PTCHD4: variants seen among roughly 807,000 people sequenced by gnomAD.
PTCHD4 encodes the protein patched domain-containing protein 4.
In PTCHD4, 33 loss-of-function variants were observed where a neutral mutation model predicts 58.1. The ratio of observed to expected loss-of-function variants is 0.57; its 90% CI spans 0.43 to 0.76. The LOEUF is 0.76. Ranked by LOEUF, PTCHD4 falls within the 30% of genes least tolerant of loss-of-function variation. The pLI, the probability that PTCHD4 is intolerant of heterozygous loss-of-function variation, is 0.00. For missense variants in PTCHD4, 1,058 were observed against 1,027.1 expected, an observed-to-expected ratio of 1.03 and a Z score of -0.41; for synonymous variants, 478 against 409.6, an observed-to-expected ratio of 1.17 and a Z score of -2.02.
intron 3 of PTCHD4, among the ~76,000 whole-genome samples, chr6:48,014,225 C>G (rs1015951249): frequency 2.0e-5 from 3 of 151,946 alleles, no homozygotes; most frequent in Non-Finnish European, 4.4e-5. Flanking sequence ...GCAGTTGGCC[C>G]AAAAATCCAA....
intron 1 of PTCHD4, among the ~76,000 whole-genome samples, chr6:48,106,861 A>AG: frequency 2.6e-5 from 4 of 152,236 alleles, no homozygotes; most frequent in Admixed American, 2.6e-4. Flanking sequence ...ATTGCTTCAA[A>AG]AGAATAAAAT....
chr6:48,068,462 TGGAA>T lies in PTCHD4; in HGVS notation c.181_184del (p.Phe61SerfsTer50). On this transcript the variant is annotated frameshift_variant, in exon 3 of 5. Coordinates refer to ENST00000339488, the MANE Select transcript of PTCHD4 (RefSeq NM_001384253.1). LOFTEE classifies it high-confidence loss of function. This position sits in a 1 kb window ranked among gnomAD's most constrained non-coding sequence, Gnocchi z 4.2. The stretch of plus-strand genomic sequence containing the variant: ...CAGGCGCTCCAGGTCGCCCTCGGGC[TGGAA>T]GCGGTTGAGCGCGCTGAGGCCGAAG... 6.2e-7 allele frequency: 1 copy of T among 1,613,694 alleles called. No individual in the cohort carries two copies. Among genetic ancestry groups the T allele is most frequent in the Non-Finnish European group, 8.5e-7 (1 of 1,179,824 alleles).
intron 3 of PTCHD4, among the ~76,000 whole-genome samples, chr6:48,025,205 A>G (rs140714192): frequency 1.3e-5 from 2 of 152,298 alleles, no homozygotes; most frequent in African/African-American, 4.8e-5. Context: ...AGATAAACTC[A>G]ATGTATTTCA....
At chr6:47,969,345 T>C (rs2113984695) in intron 4 of PTCHD4, among the ~76,000 whole-genome samples, 1 of 152,366 alleles carries the variant, frequency 6.6e-6, no homozygotes, top group East Asian at 1.9e-4. Context: ...TGCATTTACT[T>C]GTTGAAATCC....
At chr6:47,972,003 T>A (rs1767530998) in intron 4 of PTCHD4, among the ~76,000 whole-genome samples, 1 of 152,098 alleles carries the variant, frequency 6.6e-6, no homozygotes, top group South Asian at 2.1e-4. Context: ...GAAAATAAGC[T>A]GAGTAGGAAA....
At chr6:48,080,583 T>A (rs1765147253) in intron 1 of PTCHD4, among the ~76,000 whole-genome samples, 1 of 152,228 alleles carries the variant, frequency 6.6e-6, no homozygotes, top group Non-Finnish European at 1.5e-5. Context: ...TCTAGAGTTG[T>A]ACTCTAATTT....
Position 47,874,719 on chromosome 6 carries a change from A to C in PTCHD4, c.*3584T>G, listed in dbSNP as rs1436031321. ...ATTCTGTGGAAATAAATGGGAATCAAATAGGAAAGGGCCACTTACATGATA... is the reference window on the plus strand; with the variant it reads ...ATTCTGTGGAAATAAATGGGAATCACATAGGAAAGGGCCACTTACATGATA... On this transcript the variant is annotated 3_prime_UTR_variant, in exon 5 of 5. Coordinates refer to ENST00000339488, the MANE Select transcript of PTCHD4 (RefSeq NM_001384253.1). Among the ~76,000 whole-genome samples the C allele has an allele frequency of 2.0e-5, 3 of 147,672 alleles. No homozygotes were observed. Among genetic ancestry groups the C allele is most frequent in the Non-Finnish European group, 4.5e-5 (3 of 66,722 alleles).
intron 4 of PTCHD4, among the ~76,000 whole-genome samples, chr6:47,947,752 T>C (rs1561972143): frequency 6.6e-6 from 1 of 152,182 alleles, no homozygotes; most frequent in Non-Finnish European, 1.5e-5. Context: ...TGGATATGGA[T>C]ATCTTTTTAT....
rs551001440 is a variant in PTCHD4 at position 47,870,571 on chromosome 6, ATTGGAAACT to A, written c.*7723_*7731del. The stretch of plus-strand genomic sequence containing the variant: ...TTGATAATGGACCAAATTCAGGTGA[ATTGGAAACT>A]TTGGAAACTTTGGAAGGACTTTTGG... On this transcript the variant is annotated 3_prime_UTR_variant, in exon 5 of 5. Transcript: ENST00000339488. Among the ~76,000 whole-genome samples the A allele has an allele frequency of 1.8e-3, 276 of 151,768 alleles. 2 individuals are homozygous for A. Among genetic ancestry groups the A allele is most frequent in the African/African-American group, 5.8e-3 (241 of 41,484 alleles).
At chr6:48,014,165 T>C (rs763048162) in intron 3 of PTCHD4, among the ~76,000 whole-genome samples, 5 of 152,198 alleles carry the variant, frequency 3.3e-5, no homozygotes, top group Non-Finnish European at 7.4e-5. Flanking sequence ...ATAAGGTTTT[T>C]GGATGTTCTG....
At chr6:47,989,761 C>A (rs1768212047) in intron 4 of PTCHD4, among the ~76,000 whole-genome samples, 1 of 152,208 alleles carries the variant, frequency 6.6e-6, no homozygotes, top group Admixed American at 6.5e-5. Context: ...GCGAGGCCCT[C>A]ATGGAGAGCC....
intron 3 of PTCHD4, among the ~76,000 whole-genome samples, chr6:48,050,078 G>A (rs1764176193): frequency 6.6e-6 from 1 of 151,922 alleles, no homozygotes; most frequent in Non-Finnish European, 1.5e-5. Context: ...ATTATGTAAG[G>A]TCATTCTACA....
At chr6:48,105,881 T>A (rs1043440852) in intron 1 of PTCHD4, among the ~76,000 whole-genome samples, 5 of 151,672 alleles carry the variant, frequency 3.3e-5, no homozygotes, top group African/African-American at 9.7e-5. Flanking sequence ...ACACATACAC[T>A]CTCCCAAGAC....
At chr6:47,954,545 A>C (rs1342356993) in intron 4 of PTCHD4, among the ~76,000 whole-genome samples, 2 of 152,226 alleles carry the variant, frequency 1.3e-5, no homozygotes. Flanking sequence ...CTAGTGATAG[A>C]TGGACATGAA....
Position 47,875,978 on chromosome 6 carries a change from C to T in PTCHD4, c.*2325G>A, listed in dbSNP as rs1448161115. Among the ~76,000 whole-genome samples, 1 of 151,660 alleles carries T rather than the reference C, an allele frequency of 6.6e-6. No homozygotes were observed. The highest frequency in any genetic ancestry group is 2.4e-5 in the African/African-American group (1 of 41,322). On this transcript the variant is annotated 3_prime_UTR_variant, in exon 5 of 5. Coordinates refer to ENST00000339488, the MANE Select transcript of PTCHD4 (RefSeq NM_001384253.1). ...ATTAACTTTCTCAGTGATTATCTCCCATATTTTGATATGGGAGATAAAAAT... is the reference window on the plus strand; with the variant it reads ...ATTAACTTTCTCAGTGATTATCTCCTATATTTTGATATGGGAGATAAAAAT...
At chr6:47,911,181 A>G (rs1466801969) in intron 4 of PTCHD4, among the ~76,000 whole-genome samples, 1 of 152,128 alleles carries the variant, frequency 6.6e-6, no homozygotes, top group Non-Finnish European at 1.5e-5. Flanking sequence ...GGGAAGCACT[A>G]ACAGGAGACT....
rs56295592 is a variant in PTCHD4 at position 48,069,140 on chromosome 6, AGG to A, written c.-185_-184del. On this transcript the variant is annotated 5_prime_UTR_variant, in exon 2 of 5. The change creates a premature stop within an existing upstream ORF in the 5' untranslated region. Coordinates refer to ENST00000339488, the MANE Select transcript of PTCHD4 (RefSeq NM_001384253.1). ...TAAGAAGCAGACATGTGCCCCATAAAGGGGGGGGGGGCTGAGGGGGGGAGAGG... is the reference window on the plus strand; with the variant it reads ...TAAGAAGCAGACATGTGCCCCATAAAGGGGGGGGGCTGAGGGGGGGAGAGG... Among the ~76,000 whole-genome samples the A allele has an allele frequency of 3.4e-4, 16 of 47,338 alleles. No individual in the cohort carries two copies. Among genetic ancestry groups the A allele is most frequent in the African/African-American group, 1.1e-3 (14 of 12,298 alleles). The allele number at this position is 47,338 out of a possible 152,430, so 31.1% of individuals were successfully genotyped here. A position where few individuals can be genotyped will look rare whatever the true frequency, so the allele number is the denominator to read the frequency against.
chr6:47,968,166 C>T (rs1767368498), intron 4 of PTCHD4, among the ~76,000 whole-genome samples: 1 of 151,912 alleles, frequency 6.6e-6, no homozygotes, highest in Non-Finnish European at 1.5e-5. Context: ...TATTAACTGG[C>T]CTAACTTTAA....
chr6:48,105,362 C>T (rs913324867), intron 1 of PTCHD4, among the ~76,000 whole-genome samples: 9 of 150,870 alleles, frequency 6.0e-5, no homozygotes, highest in Admixed American at 1.3e-4. Context: ...ACTGGGTACA[C>T]GAAATGAAGG....
Sources: gnomAD v4.1 joint callset for allele counts (sites outside exome capture counted in the v4.1 genomes callset) on GRCh38, gnomAD v4.1.1 for gene constraint, Gnocchi (gnomAD v3.1) non-coding constraint, MANE v1.5 for transcripts, NCBI Gene and HGNC (gene_info 2026-07-23, HGNC 2026-07-21) for gene names.